The following IGF1R variants were observed in gnomAD, a reference collection of about 807,000 sequenced individuals.
IGF1R encodes the protein insulin-like growth factor 1 receptor.
A neutral mutation model predicts 144.6 loss-of-function variants in IGF1R; 44 were observed. The observed-to-expected ratio is 0.30, with a 90% CI of 0.24 to 0.39. The LOEUF (loss-of-function observed/expected upper bound fraction) is 0.39. Ranked by LOEUF, IGF1R falls within the 10% of genes least tolerant of loss-of-function variation. The pLI, the probability that IGF1R is intolerant of heterozygous loss-of-function variation, is 1.00. For synonymous variants in IGF1R, 795 were observed against 722.8 expected (o/e 1.10, Z -1.60); for missense variants, 1,355 against 1,833.7 (o/e 0.74, Z 4.77).
At chr15:98,726,152 G>A (rs2054355262) in intron 2 of IGF1R, among the ~76,000 whole-genome samples, 2 of 152,206 alleles carry the variant, frequency 1.3e-5, no homozygotes, top group East Asian at 1.9e-4. Context: ...GGTGGATATG[G>A]ATATTACTGT....
chr15:98,802,482 T>A (rs944452250), intron 2 of IGF1R, among the ~76,000 whole-genome samples: 1 of 152,082 alleles, frequency 6.6e-6, no homozygotes, highest in African/African-American at 2.4e-5. Flanking sequence ...TGAGAGAACC[T>A]TGGAGGACTT....
intron 2 of IGF1R, among the ~76,000 whole-genome samples, chr15:98,860,104 C>T (rs768909675): frequency 2.6e-5 from 4 of 152,062 alleles, no homozygotes; most frequent in East Asian, 1.9e-4. Context: ...TTAGTAGAGA[C>T]GGGGTTTCGC....
chr15:98,683,200 A>G (rs1201179622), intron 1 of IGF1R, among the ~76,000 whole-genome samples: 1 of 152,090 alleles, frequency 6.6e-6, no homozygotes, highest in African/African-American at 2.4e-5. Context: ...GTTGATCTCA[A>G]GGGTTTTAAG....
chr15:98,765,626 G>T (rs2055418492), intron 2 of IGF1R, among the ~76,000 whole-genome samples: 1 of 152,004 alleles, frequency 6.6e-6, no homozygotes, highest in Admixed American at 6.6e-5. Flanking sequence ...GCCTGGCCAT[G>T]CCAACAATAA....
At chr15:98,821,043 G>C (rs1311098757) in intron 2 of IGF1R, 1 of 152,168 alleles carries the variant, frequency 6.6e-6, no homozygotes, top group African/African-American at 2.4e-5. Context: ...TGTAAATGCT[G>C]ATGCCGAATC....
At chr15:98,714,204 G>T (rs1373670959) in intron 2 of IGF1R, among the ~76,000 whole-genome samples, 1 of 151,716 alleles carries the variant, frequency 6.6e-6, no homozygotes, top group Non-Finnish European at 1.5e-5. Context: ...TTTTTCCACC[G>T]CCACGTTCTT....
At chr15:98,782,094 T>C (rs930140722) in intron 2 of IGF1R, among the ~76,000 whole-genome samples, 1 of 152,194 alleles carries the variant, frequency 6.6e-6, no homozygotes, top group Non-Finnish European at 1.5e-5. Context: ...CCTGTTTATG[T>C]TTTAAATAGC....
intron 2 of IGF1R, among the ~76,000 whole-genome samples, chr15:98,871,485 C>A (rs1019211743): frequency 1.3e-5 from 2 of 152,186 alleles, no homozygotes; most frequent in African/African-American, 4.8e-5. Flanking sequence ...CCCTTTGCTA[C>A]GTCCAGAGAG....
chr15:98,874,355 G>A (rs185621434), intron 2 of IGF1R, among the ~76,000 whole-genome samples: 9 of 152,318 alleles, frequency 5.9e-5, no homozygotes, highest in African/African-American at 2.2e-4. Flanking sequence ...AGGGTGGGAA[G>A]CAAGTGCAGT....
intron 5 of IGF1R, among the ~76,000 whole-genome samples, chr15:98,902,393 C>T (rs1166172126): frequency 6.7e-6 from 1 of 150,354 alleles, no homozygotes; most frequent in African/African-American, 2.4e-5. Context: ...GTTGTTAACA[C>T]GTGTCACACT....
chr15:98,834,992 T>C (rs1401846529), intron 2 of IGF1R, among the ~76,000 whole-genome samples: 4 of 152,058 alleles, frequency 2.6e-5, no homozygotes, highest in Admixed American at 6.6e-5. Flanking sequence ...AGATGTCTTA[T>C]AGGCTTATAT....
intron 2 of IGF1R, among the ~76,000 whole-genome samples, chr15:98,751,951 A>T (rs547199865): frequency 3.3e-5 from 5 of 151,694 alleles, no homozygotes; most frequent in African/African-American, 1.2e-4. Flanking sequence ...CATAATACAG[A>T]CTCTTCACTG....
chr15:98,650,510 C>T (rs895034144), intron 1 of IGF1R, among the ~76,000 whole-genome samples: 1 of 152,224 alleles, frequency 6.6e-6, no homozygotes, highest in African/African-American at 2.4e-5. Context: ...CAGTTTCTCC[C>T]GGGCCGGGGG....
At chr15:98,721,527 G>C (rs910077658) in intron 2 of IGF1R, among the ~76,000 whole-genome samples, 57 of 152,184 alleles carry the variant, frequency 3.7e-4, no homozygotes, top group Admixed American at 6.5e-4. Context: ...AGGAGGAGGA[G>C]GTGGCGATGG....
At chr15:98,825,935 C>T (rs899218893) in intron 2 of IGF1R, among the ~76,000 whole-genome samples, 2 of 152,148 alleles carry the variant, frequency 1.3e-5, no homozygotes, top group African/African-American at 2.4e-5. Flanking sequence ...GAATGTTGGG[C>T]AGATCCTCCA....
chr15:98,951,648 G>A (rs562914931), intron 20 of IGF1R, among the ~76,000 whole-genome samples: 2 of 152,318 alleles, frequency 1.3e-5, no homozygotes, highest in South Asian at 4.1e-4. Flanking sequence ...GCCTGGGGGA[G>A]GCAGACCCAC....
chr15:98,850,386 C>T (rs953308988), intron 2 of IGF1R, among the ~76,000 whole-genome samples: 28 of 152,222 alleles, frequency 1.8e-4, no homozygotes, highest in African/African-American at 6.8e-4. Flanking sequence ...GCACTGCTTC[C>T]ATGGTCTGGA....
intron 1 of IGF1R, among the ~76,000 whole-genome samples, chr15:98,679,586 C>T (rs1204715342): frequency 1.3e-5 from 2 of 152,144 alleles, no homozygotes; most frequent in African/African-American, 4.8e-5. Context: ...ACTGTGCTTC[C>T]AGTCAGATGA....
rs547378752 is a variant in IGF1R at position 98,650,118 on chromosome 15, G to A, written c.94+443G>A. Among the ~76,000 whole-genome samples, 11 of 152,284 alleles carry A rather than the reference G, an allele frequency of 7.2e-5. No homozygotes were observed. The South Asian group carries it at 2.3e-3, about 32-fold the overall frequency. The stretch of plus-strand genomic sequence containing the variant: ...CAGCGACAGCACCCTGGGCCGCACC[G>A]CGTCTCCGCTGCTGGGGCTGACCGG... On this transcript the variant is annotated intron_variant, in intron 1 of 20. Coordinates refer to ENST00000650285, the MANE Select transcript of IGF1R (RefSeq NM_000875.5).
Sources: allele counts gnomAD v4.1 joint callset (sites outside exome capture counted in the v4.1 genomes callset), GRCh38; gene constraint gnomAD v4.1.1; transcripts MANE v1.5; gene names NCBI Gene and HGNC (gene_info 2026-07-23, HGNC 2026-07-21).